MEGF9: variants seen among roughly 807,000 people sequenced by gnomAD.
MEGF9 encodes the protein multiple EGF like domains 9, also known as multiple epidermal growth factor-like domains protein 9.
Under a neutral mutation model 46.8 loss-of-function variants are expected in MEGF9, and 6 were observed. That is an observed-to-expected ratio of 0.13 (90% CI 0.07 to 0.25). The LOEUF is 0.25. MEGF9 is among the 10% of genes least tolerant of loss of function. The probability of loss-of-function intolerance (pLI) is 1.00; values close to 1 mark genes in which losing one functional copy is unlikely to be tolerated. For synonymous variants in MEGF9, 302 were observed against 330.7 expected, an observed-to-expected ratio of 0.91 and a Z score of 0.94; for missense variants, 683 against 792.4, an observed-to-expected ratio of 0.86 and a Z score of 1.66.
intron 1 of MEGF9, among the ~76,000 whole-genome samples, chr9:120,695,471 G>C (rs1017626233): frequency 6.6e-6 from 1 of 151,736 alleles, no homozygotes; most frequent in South Asian, 2.1e-4. Flanking sequence ...TGGGAGTGGT[G>C]GTGGGTGCCT....
intron 1 of MEGF9, among the ~76,000 whole-genome samples, chr9:120,669,283 T>C (rs1201904661): frequency 2.0e-5 from 3 of 152,196 alleles, no homozygotes; most frequent in Non-Finnish European, 2.9e-5. Flanking sequence ...ACATTTCTCA[T>C]AGTGGCTTAG....
intron 3 of MEGF9, among the ~76,000 whole-genome samples, chr9:120,614,336 T>C (rs1047278841): frequency 2.6e-5 from 4 of 152,174 alleles, no homozygotes; most frequent in Non-Finnish European, 5.9e-5. Context: ...CCAAACTTCA[T>C]AAATTTATTG....
At chr9:120,702,665 A>T (rs2043910689) in intron 1 of MEGF9, among the ~76,000 whole-genome samples, 1 of 152,226 alleles carries the variant, frequency 6.6e-6, no homozygotes, top group Non-Finnish European at 1.5e-5. Flanking sequence ...TCTTTCAAAA[A>T]TCTTTACTGA....
chr9:120,680,189 G>A (rs2132332464), intron 1 of MEGF9, among the ~76,000 whole-genome samples: 1 of 152,292 alleles, frequency 6.6e-6, no homozygotes, highest in East Asian at 1.9e-4. Context: ...TAGTTCATCT[G>A]ATGAGGTCAT....
chr9:120,705,017 G>T (rs1214376839), intron 1 of MEGF9, among the ~76,000 whole-genome samples: 2 of 151,998 alleles, frequency 1.3e-5, no homozygotes, highest in Non-Finnish European at 2.9e-5. Context: ...CTTCTATTAT[G>T]AAAGTTTTTT....
intron 1 of MEGF9, among the ~76,000 whole-genome samples, chr9:120,668,085 T>C (rs139378684): frequency 1.7e-3 from 264 of 152,260 alleles, no homozygotes; most frequent in African/African-American, 6.0e-3. Flanking sequence ...CAGGCCTGAT[T>C]TCCTAAGTAT....
chr9:120,659,260 A>C, intron 2 of MEGF9, 114 bp downstream of exon 2: 1 of 661,108 alleles, frequency 1.5e-6, no homozygotes, highest in South Asian at 2.7e-5. Context: ...ATATTTTGTA[A>C]ATCTATGACC....
Position 120,659,395 on chromosome 9 carries a change from G to C in MEGF9, c.782C>G (p.Ala261Gly). Residue 261 changes from alanine (A) to glycine (G), a missense_variant, in exon 2 of 6, where the codon GCT becomes GGT. Physicochemically the swap from Ala to Gly is moderately conservative, Grantham distance 60. Coordinates refer to ENST00000373930, the MANE Select transcript of MEGF9 (RefSeq NM_001080497.3). ...CQPCDCSPHG[A>G]LSIPCNSSGK... ...TTACCTGTTGCACGGTATGCTGAGAGCTCCATGTGGACTACAGTCACATGG... is the reference window on the plus strand; with the variant it reads ...TTACCTGTTGCACGGTATGCTGAGACCTCCATGTGGACTACAGTCACATGG... The C allele has an allele frequency of 6.2e-7, 1 of 1,613,708 alleles. No homozygotes were observed. Among genetic ancestry groups the C allele is most frequent in the South Asian group, 1.1e-5 (1 of 91,064 alleles).
intron 1 of MEGF9, among the ~76,000 whole-genome samples, chr9:120,675,713 C>A (rs2043769817): frequency 6.6e-6 from 1 of 151,056 alleles, no homozygotes; most frequent in East Asian, 2.0e-4. Context: ...ATAGTAAAAC[C>A]CTGTCTCTAC....
intron 1 of MEGF9, among the ~76,000 whole-genome samples, chr9:120,709,999 T>C (rs1414021503): frequency 1.5e-5 from 2 of 129,368 alleles, no homozygotes; most frequent in Non-Finnish European, 3.1e-5. Context: ...AGTGAGCCAA[T>C]CTAGCCTGGG....
intron 1 of MEGF9, among the ~76,000 whole-genome samples, chr9:120,684,640 A>T (rs1391729014): frequency 6.6e-6 from 1 of 152,162 alleles, no homozygotes; most frequent in Non-Finnish European, 1.5e-5. Context: ...AACATTTTAT[A>T]TTCAAAAAGA....
intron 1 of MEGF9, among the ~76,000 whole-genome samples, chr9:120,683,458 G>A: frequency 6.6e-6 from 1 of 152,184 alleles, no homozygotes; most frequent in Non-Finnish European, 1.5e-5. Context: ...TCTAGTGATA[G>A]TGAGTGAGTT....
chr9:120,693,292 A>AAG (rs1554799318), intron 1 of MEGF9, among the ~76,000 whole-genome samples: 55 of 147,544 alleles, frequency 3.7e-4, no homozygotes, highest in South Asian at 1.3e-3. Context: ...AAAAAAAAAA[A>AAG]AAGAAGAAGA....
At chr9:120,703,829 T>G (rs1004827177) in intron 1 of MEGF9, among the ~76,000 whole-genome samples, 3 of 151,802 alleles carry the variant, frequency 2.0e-5, no homozygotes, top group Non-Finnish European at 4.4e-5. Context: ...AAAAATTAGC[T>G]GGGTGTGGTG....
At chr9:120,700,534 T>G (rs527615941) in intron 1 of MEGF9, among the ~76,000 whole-genome samples, 1 of 152,186 alleles carries the variant, frequency 6.6e-6, no homozygotes, top group African/African-American at 2.4e-5. Context: ...AAATATAAAA[T>G]CACATGAAAA....
At chr9:120,642,239 C>T (rs746628172) in intron 2 of MEGF9, among the ~76,000 whole-genome samples, 3 of 152,008 alleles carry the variant, frequency 2.0e-5, no homozygotes, top group Non-Finnish European at 4.4e-5. Flanking sequence ...TCATTGTAGC[C>T]CAGGTCTGAT....
chr9:120,689,603 T>C (rs1280274763), intron 1 of MEGF9, among the ~76,000 whole-genome samples: 1 of 152,136 alleles, frequency 6.6e-6, no homozygotes, highest in African/African-American at 2.4e-5. Flanking sequence ...AGCATGTGCA[T>C]GTTATTATGA....
intron 2 of MEGF9, among the ~76,000 whole-genome samples, chr9:120,627,699 G>C (rs775454625): frequency 1.4e-4 from 21 of 152,194 alleles, no homozygotes; most frequent in Non-Finnish European, 2.9e-4. Context: ...CTGACCTCAA[G>C]TGATCCACCC....
intron 1 of MEGF9, among the ~76,000 whole-genome samples, chr9:120,678,642 T>G (rs1421055014): frequency 6.6e-6 from 1 of 152,182 alleles, no homozygotes; most frequent in East Asian, 1.9e-4. Context: ...CTGGCTAATT[T>G]TTTTGTATTT....
Sources: gnomAD v4.1 joint callset for allele counts (sites outside exome capture counted in the v4.1 genomes callset) on GRCh38, gnomAD v4.1.1 for gene constraint, MANE v1.5 for transcripts, NCBI Gene and HGNC (gene_info 2026-07-23, HGNC 2026-07-21) for gene names.